Variants in CSTF3 observed in about 807,000 individuals in gnomAD.
CSTF3 encodes the protein cleavage stimulation factor subunit 3.
Under a neutral mutation model 105.8 loss-of-function variants are expected in CSTF3, and 29 were observed. That is an observed-to-expected ratio of 0.27 (90% CI 0.20 to 0.37). The LOEUF (loss-of-function observed/expected upper bound fraction) is 0.37, where lower values mean the gene tolerates loss of function less well. Among genes scored for constraint, CSTF3 ranks in the 10% least tolerant of loss-of-function variants. The pLI, the probability that CSTF3 is intolerant of heterozygous loss-of-function variation, is 1.00. For synonymous variants in CSTF3, 252 were observed against 281.9 expected (o/e 0.89, Z 1.06); for missense variants, 357 against 879.3 (o/e 0.41, Z 7.51).
intron 3 of CSTF3, among the ~76,000 whole-genome samples, chr11:33,131,418 T>G (rs1299791796): frequency 6.6e-6 from 1 of 152,214 alleles, no homozygotes; most frequent in East Asian, 1.9e-4. Context: ...AAAGAGTCAG[T>G]TATAAACCTA....
chr11:33,159,379 TG>T lies in CSTF3; in HGVS notation c.27+1919del, dbSNP rs946389932. 7.9e-5 allele frequency among the ~76,000 whole-genome samples: 12 copies of T among 151,918 alleles called. 1 individual carries two copies. Among genetic ancestry groups the T allele is most frequent in the African/African-American group, 2.2e-4 (9 of 41,346 alleles). The stretch of plus-strand genomic sequence containing the variant: ...GGAAGGCAGAGGTAGGCGGATCACT[TG>T]AGGTCAGGAGTTCGAGACCAGCCTG... On this transcript the variant is annotated intron_variant, in intron 1 of 20. Transcript: ENST00000323959.
At chr11:33,093,607 T>A (rs1855189649) in intron 15 of CSTF3, among the ~76,000 whole-genome samples, 1 of 152,216 alleles carries the variant, frequency 6.6e-6, no homozygotes, top group South Asian at 2.1e-4. Context: ...GTAATCAATA[T>A]GAAAAATTGT....
chr11:33,144,375 G>C (rs747281445), intron 1 of CSTF3, among the ~76,000 whole-genome samples: 3 of 152,140 alleles, frequency 2.0e-5, no homozygotes, highest in Admixed American at 1.3e-4. Flanking sequence ...TTTATGAATA[G>C]CTTGCTCAAG....
chr11:33,147,379 G>A lies in CSTF3; in HGVS notation c.28-5393C>T, dbSNP rs71479195. Among the ~76,000 whole-genome samples, 1,244 of 151,706 alleles carry A rather than the reference G, an allele frequency of 8.2e-3. 12 individuals carry two copies. Among genetic ancestry groups the A allele is most frequent in the Non-Finnish European group, 0.013 (862 of 67,920 alleles). ...TGGGAGCCCGAGGTGGGCAGATCACGAGGTCAGGAGTTCGAGACCAGCCTG... is the reference window on the plus strand; with the variant it reads ...TGGGAGCCCGAGGTGGGCAGATCACAAGGTCAGGAGTTCGAGACCAGCCTG... On this transcript the variant is annotated intron_variant, in intron 1 of 20. Transcript: ENST00000323959.
At chr11:33,138,741 A>G (rs1046754454) in intron 3 of CSTF3, among the ~76,000 whole-genome samples, 1 of 151,890 alleles carries the variant, frequency 6.6e-6, no homozygotes, top group Non-Finnish European at 1.5e-5. Flanking sequence ...AATACTGTTA[A>G]ATCATGTGAC....
At chr11:33,127,426 T>C (rs1855554474) in intron 3 of CSTF3, among the ~76,000 whole-genome samples, 1 of 152,208 alleles carries the variant, frequency 6.6e-6, no homozygotes, top group South Asian at 2.1e-4. Context: ...TCATTTACTC[T>C]TAACACCCAT....
chr11:33,146,321 C>T (rs1266901951), intron 1 of CSTF3, among the ~76,000 whole-genome samples: 1 of 152,094 alleles, frequency 6.6e-6, no homozygotes, highest in East Asian at 1.9e-4. Context: ...TAACACCCTA[C>T]TGCACATGTA....
rs1855317127 is a variant in CSTF3 at position 33,105,398 on chromosome 11, TAAC to T, written c.585+166_585+168del. 2.6e-5 allele frequency among the ~76,000 whole-genome samples: 4 copies of T among 152,306 alleles called. No homozygotes were observed. The South Asian group carries it at 8.3e-4, about 32-fold the overall frequency. ...GTTCTTCAGAGTATCCTCTAAAAAA[TAAC>T]ACTATATGGAGACTCTCAAACCTTG... On this transcript the variant is annotated intron_variant, in intron 8 of 20. Transcript: ENST00000323959.
intron 1 of CSTF3, among the ~76,000 whole-genome samples, chr11:33,146,074 C>T (rs951114294): frequency 6.6e-6 from 1 of 150,784 alleles, no homozygotes; most frequent in South Asian, 2.1e-4. Context: ...CCCGTCTCTA[C>T]TAAAAATACA....
chr11:33,123,609 T>A (rs925492724), intron 3 of CSTF3, among the ~76,000 whole-genome samples: 12 of 152,106 alleles, frequency 7.9e-5, no homozygotes, highest in African/African-American at 2.9e-4. Context: ...AAAACTTACA[T>A]GTCCTTCAGT....
At chr11:33,117,696 G>A (rs1384856545) in intron 3 of CSTF3, among the ~76,000 whole-genome samples, 1 of 151,780 alleles carries the variant, frequency 6.6e-6, no homozygotes, top group East Asian at 1.9e-4. Context: ...CATTGAAAGA[G>A]TACACAGAAA....
At position 33,090,528 on chromosome 11, in the gene CSTF3, A is replaced by G. The variant is rs914803098; in HGVS notation, c.1641+4T>C. On this transcript the variant is annotated splice_donor_region_variant and intron_variant, in intron 17 of 20. Coordinates refer to ENST00000323959, the MANE Select transcript of CSTF3 (RefSeq NM_001326.3). ...CACTCCACATCTTGATCCTAAGTAC[A>G]TACCTTATAACCAAGTGCTTTTAAT... 1 of 1,556,776 alleles carries G rather than the reference A, an allele frequency of 6.4e-7. No individual in the cohort carries two copies. The highest frequency in any genetic ancestry group is 8.7e-7 in the Non-Finnish European group (1 of 1,154,378).
chr11:33,098,692 A>G lies in CSTF3; in HGVS notation c.1126T>C (p.Leu376=). 6.3e-7 allele frequency: 1 copy of G among 1,574,852 alleles called. No individual in the cohort carries two copies. Among genetic ancestry groups the G allele is most frequent in the South Asian group, 1.2e-5 (1 of 85,940 alleles). Residue 376 remains leucine, a splice_region_variant and synonymous_variant, in exon 13 of 21, where the codon TTG becomes CTG. Transcript: ENST00000323959. ...AAAAGATTTGTAAAGTTACTCACCA[A>G]GGTAGGGTCAATATCCTCAATTGCC... is the stretch of plus-strand genomic sequence containing the variant. The part of the protein sequence containing the change: ...LLAIEDIDPT[L]VYIQYMKFAR...
At position 33,088,289 on chromosome 11, in the gene CSTF3, CT is replaced by C. The variant is rs951194279; in HGVS notation, c.1642-1149del. The stretch of plus-strand genomic sequence containing the variant: ...AGTTCTACTCCTGAATACTTACTCT[CT>C]TTTTTTTTTTTTTTGAGACAGAGTC... On this transcript the variant is annotated intron_variant, in intron 17 of 20. Transcript: ENST00000323959. Among the ~76,000 whole-genome samples the C allele has an allele frequency of 6.6e-3, 929 of 140,940 alleles. 7 individuals carry two copies. Among genetic ancestry groups the C allele is most frequent in the African/African-American group, 0.02 (742 of 37,848 alleles). 92.5% of individuals were successfully genotyped at this position (140,940 alleles called of 152,430 possible).
chr11:33,147,990 T>C (rs1396718109), intron 1 of CSTF3, among the ~76,000 whole-genome samples: 2 of 151,936 alleles, frequency 1.3e-5, no homozygotes, highest in Admixed American at 6.6e-5. Flanking sequence ...ACTGCTATAA[T>C]TGTTTTTACT....
chr11:33,096,778 T>G (rs899412679), intron 14 of CSTF3, 57 bp downstream of exon 14: 4 of 1,510,260 alleles, frequency 2.6e-6, no homozygotes, highest in Non-Finnish European at 3.6e-6. Context: ...ACCTTTCTTT[T>G]ACGAACCTCA....
chr11:33,120,313 C>T (rs1343527411), intron 3 of CSTF3, among the ~76,000 whole-genome samples: 1 of 151,640 alleles, frequency 6.6e-6, no homozygotes, highest in Non-Finnish European at 1.5e-5. Context: ...ATAGACAGAT[C>T]TGGAAAAGTT....
chr11:33,113,953 AAC>A (rs2133782581), intron 3 of CSTF3, among the ~76,000 whole-genome samples: 1 of 152,282 alleles, frequency 6.6e-6, no homozygotes, highest in South Asian at 2.1e-4. Flanking sequence ...ATGATGAGGA[AAC>A]ACAGATCTTT....
chr11:33,160,320 T>A (rs1849923729), intron 1 of CSTF3, among the ~76,000 whole-genome samples: 1 of 152,190 alleles, frequency 6.6e-6, no homozygotes, highest in Non-Finnish European at 1.5e-5. Flanking sequence ...TTGCCTCATC[T>A]CTGCCAACCT....
Sources: allele counts gnomAD v4.1 joint callset (sites outside exome capture counted in the v4.1 genomes callset), GRCh38; gene constraint gnomAD v4.1.1; transcripts MANE v1.5; gene names NCBI Gene and HGNC (gene_info 2026-07-23, HGNC 2026-07-21).